The following DOCK8 variants were observed in gnomAD, a reference collection of about 807,000 sequenced individuals.
The protein encoded by DOCK8 is dedicator of cytokinesis 8.
A neutral mutation model predicts 245.6 loss-of-function variants in DOCK8; 141 were observed. That is an observed-to-expected ratio of 0.57 (90% confidence interval 0.50 to 0.66). DOCK8 has a LOEUF of 0.66. Ranked by LOEUF, DOCK8 falls within the 30% of genes least tolerant of loss-of-function variation. DOCK8 has a pLI of 0.00. For missense variants in DOCK8, 2,965 were observed against 2,603.4 expected, an observed-to-expected ratio of 1.14 and a Z score of -3.02; for synonymous variants, 1,168 against 970.2, an observed-to-expected ratio of 1.20 and a Z score of -3.79.
chr9:325,628 T>G (rs1004356635), intron 7 of DOCK8, 43 bp from the exon 8 acceptor site: 1 of 1,556,870 alleles, frequency 6.4e-7, no homozygotes, highest in Non-Finnish European at 8.9e-7. Flanking sequence ...TTCAAAATTA[T>G]CTAACTCAAA....
At chr9:286,697 G>A in intron 3 of DOCK8, 61 bp downstream of exon 3, 1 of 1,527,558 alleles carries the variant, frequency 6.5e-7, no homozygotes, top group Non-Finnish European at 9.1e-7. Flanking sequence ...TCAATAAGTG[G>A]GTAGGGGAGA....
intron 1 of DOCK8, among the ~76,000 whole-genome samples, chr9:222,335 A>G (rs907248818): frequency 6.6e-6 from 1 of 152,190 alleles, no homozygotes; most frequent in Admixed American, 6.5e-5. Context: ...TTGATGGAGC[A>G]GTCTTATACA....
intron 18 of DOCK8, among the ~76,000 whole-genome samples, chr9:374,387 C>A (rs2053428551): frequency 6.8e-6 from 1 of 146,464 alleles, no homozygotes; most frequent in South Asian, 2.2e-4. Context: ...ACATTGATTA[C>A]ATATTGAAAC....
At chr9:451,302 C>G (rs1170908996) in intron 45 of DOCK8, among the ~76,000 whole-genome samples, 4 of 151,852 alleles carry the variant, frequency 2.6e-5, no homozygotes, top group Non-Finnish European at 5.9e-5. Flanking sequence ...CAGAGTAAGA[C>G]TCTGTCTCAA....
intron 1 of DOCK8, among the ~76,000 whole-genome samples, chr9:216,551 A>AAAAAAAAT (rs1426702186): frequency 6.6e-6 from 1 of 151,448 alleles, no homozygotes; most frequent in Non-Finnish European, 1.5e-5. Context: ...AAAAAAAAAA[A>AAAAAAAAT]AAAAGCAAAA....
At chr9:222,707 G>A (rs1466075101) in intron 1 of DOCK8, among the ~76,000 whole-genome samples, 2 of 152,166 alleles carry the variant, frequency 1.3e-5, no homozygotes, top group Admixed American at 1.3e-4. Context: ...ACCATAAATG[G>A]TGAGAACTTC....
intron 30 of DOCK8, among the ~76,000 whole-genome samples, chr9:419,498 G>A (rs577323073): frequency 1.3e-5 from 2 of 152,294 alleles, no homozygotes; most frequent in East Asian, 3.9e-4. Flanking sequence ...TTAGAACATA[G>A]TCCTTGTGAG....
chr9:362,209 T>C (rs4741833), intron 14 of DOCK8, among the ~76,000 whole-genome samples: 81,195 of 152,058 alleles, frequency 0.53, 24,748 homozygotes, highest in East Asian at 0.84. Context: ...ATGGTTTAGC[T>C]TACCAGTACC....
At chr9:347,225 C>G (rs1045256277) in intron 14 of DOCK8, among the ~76,000 whole-genome samples, 1 of 152,082 alleles carries the variant, frequency 6.6e-6, no homozygotes, top group Non-Finnish European at 1.5e-5. Context: ...TGCTCCATAC[C>G]GGGCACAGCG....
chr9:215,638 C>G, intron 1 of DOCK8: 1 of 468,266 alleles, frequency 2.1e-6, no homozygotes, highest in Middle Eastern at 5.9e-4. Context: ...CTTAAATAAA[C>G]CAAAAGAAAT....
chr9:228,259 A>C (rs952894748), intron 1 of DOCK8, among the ~76,000 whole-genome samples: 6 of 151,984 alleles, frequency 3.9e-5, no homozygotes, highest in African/African-American at 9.7e-5. Flanking sequence ...TTTTATTCCC[A>C]AAAAAAACTT....
Position 246,691 on chromosome 9 carries a change from C to T in DOCK8, c.54-24936C>T, listed in dbSNP as rs544288594. On this transcript the variant is annotated intron_variant, in intron 1 of 47. Transcript: ENST00000432829. ...ATATTGTATAAAATGATGATATTTTCTTAGTGGTCTTGTTGTTGAATCCAG... is the reference window on the plus strand; with the variant it reads ...ATATTGTATAAAATGATGATATTTTTTTAGTGGTCTTGTTGTTGAATCCAG... Among the ~76,000 whole-genome samples, 9 of 152,194 alleles carry T rather than the reference C, an allele frequency of 5.9e-5. No individual in the cohort carries two copies. In the South Asian group the frequency reaches 1.9e-3, roughly 32 times the overall value.
intron 45 of DOCK8, 59 bp downstream of exon 45, chr9:449,986 C>T (rs886288023): frequency 1.3e-5 from 21 of 1,571,718 alleles, no homozygotes; most frequent in Non-Finnish European, 1.7e-5. Flanking sequence ...TGTCATTATA[C>T]GTCTGCACCC....
chr9:333,191 A>G (rs961132298), intron 10 of DOCK8, among the ~76,000 whole-genome samples: 2 of 152,214 alleles, frequency 1.3e-5, no homozygotes, highest in Non-Finnish European at 2.9e-5. Flanking sequence ...AATAACTGGG[A>G]ATTGGCTGCC....
At chr9:428,212 G>C (rs2056570297) in intron 34 of DOCK8, 150 bp from the exon 35 acceptor site, 5 of 1,220,206 alleles carry the variant, frequency 4.1e-6, no homozygotes, top group African/African-American at 3.0e-5. Flanking sequence ...CAGTTCCCAT[G>C]GTTAATGGAT....
intron 22 of DOCK8, among the ~76,000 whole-genome samples, chr9:383,057 C>G (rs1160004383): frequency 9.0e-6 from 1 of 111,372 alleles, no homozygotes; most frequent in African/African-American, 3.1e-5. Context: ...TCTTTAATAC[C>G]TACCTCTTAC....
intron 14 of DOCK8, among the ~76,000 whole-genome samples, chr9:358,763 C>T (rs927868452): frequency 9.3e-5 from 14 of 151,218 alleles, no homozygotes; most frequent in Non-Finnish European, 1.5e-4. Context: ...GCAGGAGAAT[C>T]GCTTGAGCCC....
chr9:435,416 G>A (rs1018459766), intron 39 of DOCK8, among the ~76,000 whole-genome samples: 6 of 152,158 alleles, frequency 3.9e-5, no homozygotes, highest in Admixed American at 3.9e-4. Flanking sequence ...TAGGGAAGGC[G>A]GTTATTATTC....
chr9:304,803 A>G (rs1409585425), intron 5 of DOCK8, 99 bp downstream of exon 5: 14 of 1,550,066 alleles, frequency 9.0e-6, no homozygotes, highest in Non-Finnish European at 1.2e-5. Flanking sequence ...AGACGCATAG[A>G]AAGTTTGAGT....
Sources: gnomAD v4.1 joint callset for allele counts (sites outside exome capture counted in the v4.1 genomes callset) on GRCh38, gnomAD v4.1.1 for gene constraint, MANE v1.5 for transcripts, NCBI Gene and HGNC (gene_info 2026-07-23, HGNC 2026-07-21) for gene names.